MLLT3: variants seen among roughly 807,000 people sequenced by gnomAD.
MLLT3 encodes MLLT3 super elongation complex subunit, also known as protein AF-9.
MLLT3 carries 4 observed loss-of-function variants against 53.2 expected under a neutral mutation model. The observed-to-expected ratio is 0.08, with a 90% CI of 0.04 to 0.17. The LOEUF is 0.17. Ranked by LOEUF, MLLT3 falls within the 10% of genes least tolerant of loss-of-function variation. The probability of loss-of-function intolerance (pLI) is 1.00; values close to 1 mark genes in which losing one functional copy is unlikely to be tolerated. For synonymous variants in MLLT3, 283 were observed against 230.6 expected, an observed-to-expected ratio of 1.23 and a Z score of -2.06; for missense variants, 569 against 684.0, an observed-to-expected ratio of 0.83 and a Z score of 1.87.
In MLLT3 at chr9:20,621,820, C is replaced by T; in HGVS notation, c.12+425G>A. ...TGCGGAGGTGCGGCCGCCGAGGCTG[C>T]TCGCCGCGTCCCCGGACTGTGCCCG... On this transcript the variant is annotated intron_variant, in intron 1 of 10. Transcript: ENST00000380338. This position sits in a 1 kb window ranked among gnomAD's most constrained non-coding sequence, Gnocchi z 7.0. The T allele has an allele frequency of 1.4e-6, 2 of 1,428,714 alleles. No individual in the cohort carries two copies. The highest frequency in any genetic ancestry group is 3.0e-5 in the South Asian group (2 of 67,118). The allele number at this position is 1,428,714 out of a possible 1,614,324, so 88.5% of individuals were successfully genotyped here.
chr9:20,352,624 A>C (rs1396037476), intron 10 of MLLT3, among the ~76,000 whole-genome samples: 1 of 152,052 alleles, frequency 6.6e-6, no homozygotes, highest in Non-Finnish European at 1.5e-5. Context: ...GCCAGTCAGG[A>C]AACTTGGCAA....
intron 5 of MLLT3, among the ~76,000 whole-genome samples, chr9:20,407,909 G>C (rs1460694701): frequency 6.6e-6 from 1 of 152,172 alleles, no homozygotes; most frequent in Non-Finnish European, 1.5e-5. Context: ...GGTAATGCTA[G>C]TCTTGCAAAG....
At chr9:20,417,397 T>TA (rs1315388246) in intron 4 of MLLT3, among the ~76,000 whole-genome samples, 4 of 147,920 alleles carry the variant, frequency 2.7e-5, no homozygotes, top group Non-Finnish European at 6.0e-5. Flanking sequence ...GTATATCTGA[T>TA]ATATATATAT....
intron 2 of MLLT3, chr9:20,532,758 T>C (rs1406052432): frequency 1.1e-5 from 3 of 268,616 alleles, no homozygotes; most frequent in Non-Finnish European, 2.1e-5. Context: ...AGAGCCATCC[T>C]ATTACAAGCG....
chr9:20,617,537 ACAT>A (rs946819608), intron 2 of MLLT3, among the ~76,000 whole-genome samples: 19 of 152,190 alleles, frequency 1.2e-4, no homozygotes, highest in Non-Finnish European at 2.6e-4. Context: ...ACTCAAATTC[ACAT>A]CATACTAAAA....
At chr9:20,489,974 C>T (rs926705015) in intron 2 of MLLT3, among the ~76,000 whole-genome samples, 4 of 152,072 alleles carry the variant, frequency 2.6e-5, no homozygotes, top group Non-Finnish European at 5.9e-5. Flanking sequence ...GGCAAGTACT[C>T]AAATAAATAC....
chr9:20,477,346 T>G (rs1272695068), intron 2 of MLLT3, among the ~76,000 whole-genome samples: 1 of 152,182 alleles, frequency 6.6e-6, no homozygotes, highest in African/African-American at 2.4e-5. Context: ...TTTTTTAAAG[T>G]AGTATTTTAG....
chr9:20,539,526 G>C (rs748686614), intron 2 of MLLT3, among the ~76,000 whole-genome samples: 4 of 152,158 alleles, frequency 2.6e-5, no homozygotes, highest in Admixed American at 6.5e-5. Context: ...GACAGCAGGA[G>C]AGAGAGAACA....
At chr9:20,576,723 C>T (rs1819663009) in intron 2 of MLLT3, among the ~76,000 whole-genome samples, 1 of 152,072 alleles carries the variant, frequency 6.6e-6, no homozygotes, top group Non-Finnish European at 1.5e-5. Flanking sequence ...ATGAAAAATT[C>T]TGATATACTG....
intron 4 of MLLT3, among the ~76,000 whole-genome samples, chr9:20,428,195 A>T (rs1424699113): frequency 6.6e-6 from 1 of 152,116 alleles, no homozygotes; most frequent in Non-Finnish European, 1.5e-5. Context: ...AAATATTGAA[A>T]GGAAGTAAGT....
intron 2 of MLLT3, among the ~76,000 whole-genome samples, chr9:20,609,220 T>C (rs1297407965): frequency 6.6e-6 from 1 of 152,008 alleles, no homozygotes; most frequent in African/African-American, 2.4e-5. Flanking sequence ...CTAAAATTAT[T>C]TTTTCTTTGA....
At chr9:20,591,828 T>C (rs544755690) in intron 2 of MLLT3, among the ~76,000 whole-genome samples, 29 of 152,234 alleles carry the variant, frequency 1.9e-4, no homozygotes, top group Non-Finnish European at 3.1e-4. Flanking sequence ...AGAAAATTAA[T>C]TCCCAAATGG....
chr9:20,397,315 C>A (rs1247117280), intron 5 of MLLT3, among the ~76,000 whole-genome samples: 2 of 152,066 alleles, frequency 1.3e-5, no homozygotes, highest in African/African-American at 2.4e-5. Context: ...ATTAGAAGAA[C>A]AACTGATACA....
intron 2 of MLLT3, among the ~76,000 whole-genome samples, chr9:20,500,119 T>C (rs553303559): frequency 6.6e-6 from 1 of 152,184 alleles, no homozygotes; most frequent in African/African-American, 2.4e-5. Context: ...TCTCTGAGGG[T>C]CAGGAACTCA....
chr9:20,467,910 A>G (rs746235870), intron 2 of MLLT3, among the ~76,000 whole-genome samples: 15 of 152,236 alleles, frequency 9.9e-5, no homozygotes, highest in Non-Finnish European at 1.9e-4. Context: ...TCAAGGGCTC[A>G]TTGAAAACTT....
At chr9:20,502,980 G>GA (rs1193897291) in intron 2 of MLLT3, among the ~76,000 whole-genome samples, 1 of 152,032 alleles carries the variant, frequency 6.6e-6, no homozygotes, top group African/African-American at 2.4e-5. Context: ...GAATGCTTAG[G>GA]AAAAAATTTA....
At chr9:20,492,637 A>T (rs1824978226) in intron 2 of MLLT3, among the ~76,000 whole-genome samples, 1 of 151,950 alleles carries the variant, frequency 6.6e-6, no homozygotes, top group Non-Finnish European at 1.5e-5. Flanking sequence ...AATAGAAAAA[A>T]ATCATTTATA....
At chr9:20,565,922 T>TTTTA (rs1819344097) in intron 2 of MLLT3, among the ~76,000 whole-genome samples, 1 of 97,626 alleles carries the variant, frequency 1.0e-5, no homozygotes, top group African/African-American at 4.4e-5. Context: ...ATATATATAT[T>TTTTA]TATATATATA....
chr9:20,514,039 G>T (rs969463714), intron 2 of MLLT3, among the ~76,000 whole-genome samples: 1 of 152,030 alleles, frequency 6.6e-6, no homozygotes, highest in Non-Finnish European at 1.5e-5. Context: ...AGACACCAGT[G>T]GGTAGGTGGT....
Sources: gnomAD v4.1 joint callset for allele counts (sites outside exome capture counted in the v4.1 genomes callset) on GRCh38, gnomAD v4.1.1 for gene constraint, Gnocchi (gnomAD v3.1) non-coding constraint, MANE v1.5 for transcripts, NCBI Gene and HGNC (gene_info 2026-07-23, HGNC 2026-07-21) for gene names.